The following GOLT1A variants were observed in gnomAD, a reference collection of about 807,000 sequenced individuals.
GOLT1A encodes golgi transport 1A, also known as vesicle transport protein GOT1A.
In GOLT1A, 10 loss-of-function variants were observed where a neutral mutation model predicts 16.1. The ratio of observed to expected loss-of-function variants is 0.62; its 90% CI spans 0.38 to 1.05. The LOEUF is 1.05. Ranked by LOEUF, GOLT1A falls within the 50% of genes least tolerant of loss-of-function variation. The pLI, the probability that GOLT1A is intolerant of heterozygous loss-of-function variation, is 0.01. For synonymous variants in GOLT1A, 60 were observed against 67.9 expected (o/e 0.88, Z 0.57); for missense variants, 137 against 165.7 (o/e 0.83, Z 0.95).
intron 2 of GOLT1A, among the ~76,000 whole-genome samples, chr1:204,202,165 C>T (rs571403061): frequency 5.9e-5 from 9 of 151,896 alleles, no homozygotes; most frequent in African/African-American, 1.7e-4. Flanking sequence ...AAGATTGAGG[C>T]CTAAGTAGGT....
chr1:204,211,751 G>C (rs1490362705), intron 1 of GOLT1A, among the ~76,000 whole-genome samples: 1 of 152,104 alleles, frequency 6.6e-6, no homozygotes, highest in Non-Finnish European at 1.5e-5. Flanking sequence ...GGGGAAGCGG[G>C]GTGCGGGATG....
chr1:204,203,856 TG>T (rs1320025756), intron 1 of GOLT1A, among the ~76,000 whole-genome samples: 3 of 151,706 alleles, frequency 2.0e-5, no homozygotes, highest in Non-Finnish European at 4.4e-5. Flanking sequence ...TCCCAAGGTT[TG>T]TAAGTGTCTC....
chr1:204,208,971 C>A (rs1407810208), intron 1 of GOLT1A, among the ~76,000 whole-genome samples: 3 of 152,212 alleles, frequency 2.0e-5, no homozygotes, highest in Non-Finnish European at 4.4e-5. Context: ...TCATCAGTTA[C>A]TCCAGTAGCA....
intron 1 of GOLT1A, among the ~76,000 whole-genome samples, chr1:204,213,318 A>G (rs1397810617): frequency 1.3e-5 from 2 of 152,196 alleles, no homozygotes; most frequent in Non-Finnish European, 2.9e-5. Context: ...TTCTCAGATG[A>G]AAAACCAAGG....
chr1:204,199,842 T>C (rs1196853318), intron 3 of GOLT1A, among the ~76,000 whole-genome samples: 2 of 152,100 alleles, frequency 1.3e-5, no homozygotes, highest in African/African-American at 4.8e-5. Flanking sequence ...TGCAGACACA[T>C]GCGTGACCCC....
chr1:204,208,182 A>G (rs1347609624), intron 1 of GOLT1A, among the ~76,000 whole-genome samples: 1 of 151,976 alleles, frequency 6.6e-6, no homozygotes, highest in East Asian at 1.9e-4. Flanking sequence ...AAAATAAATC[A>G]TTATACGGAA....
rs1351749457 is a variant in GOLT1A at position 204,198,170 on chromosome 1, A to T, written c.*288T>A. The T allele has an allele frequency of 2.6e-6, 1 of 390,542 alleles. No individual in the cohort carries two copies. The highest frequency in any genetic ancestry group is 4.6e-6 in the Non-Finnish European group (1 of 216,962). 24.2% of individuals were successfully genotyped at this position (390,542 alleles called of 1,614,324 possible). A position where few individuals can be genotyped will look rare whatever the true frequency, so the allele number is the denominator to read the frequency against. ...CCAACTCTGAGCCTTAGACACACGC[A>T]CAACTTGGGAATTTAATCTTCACTT... On this transcript the variant is annotated 3_prime_UTR_variant, in exon 5 of 5. Coordinates refer to ENST00000308302, the MANE Select transcript of GOLT1A (RefSeq NM_198447.2).
Position 204,209,887 on chromosome 1 carries a change from G to A in GOLT1A, c.25+3995C>T, listed in dbSNP as rs901664157. On this transcript the variant is annotated intron_variant, in intron 1 of 4. Coordinates refer to ENST00000308302, the MANE Select transcript of GOLT1A (RefSeq NM_198447.2). ...AGCCTGGCCAACATGATGAAACCCCGTCTCTACTAAAAATACAAAAAATTA... is the reference window on the plus strand; with the variant it reads ...AGCCTGGCCAACATGATGAAACCCCATCTCTACTAAAAATACAAAAAATTA... Among the ~76,000 whole-genome samples, 6 of 152,146 alleles carry A rather than the reference G, an allele frequency of 3.9e-5. No homozygotes were observed. The East Asian group carries it at 5.8e-4, about 15-fold the overall frequency.
chr1:204,208,577 T>A (rs1392043427), intron 1 of GOLT1A, among the ~76,000 whole-genome samples: 1 of 147,676 alleles, frequency 6.8e-6, no homozygotes, highest in Non-Finnish European at 1.5e-5. Context: ...GAATTGGAGA[T>A]CATTATTCTA....
Position 204,199,073 on chromosome 1 carries a change from G to A in GOLT1A, c.360+122C>T, listed in dbSNP as rs1431799501. The A allele has an allele frequency of 2.1e-5, 17 of 816,688 alleles. No homozygotes were observed. In the Admixed American group the frequency reaches 3.7e-4, roughly 18 times the overall value. The allele number at this position is 816,688 out of a possible 1,614,324, so 50.6% of individuals were successfully genotyped here. A position where few individuals can be genotyped will look rare whatever the true frequency, so the allele number is the denominator to read the frequency against. On this transcript the variant is annotated intron_variant, in intron 4 of 4. Coordinates refer to ENST00000308302, the MANE Select transcript of GOLT1A (RefSeq NM_198447.2). ...TAAAGCACCAAACCTGGGCTAGGGGGTCTGAGGGGAGACAGGGGAGAGGCC... is the reference window on the plus strand; with the variant it reads ...TAAAGCACCAAACCTGGGCTAGGGGATCTGAGGGGAGACAGGGGAGAGGCC...
rs1658895340 is a variant in GOLT1A at position 204,198,381 on chromosome 1, G to C, written c.*77C>G. On this transcript the variant is annotated 3_prime_UTR_variant, in exon 5 of 5. Transcript: ENST00000308302. ...TGTCGGGGAGTGAGTCAGTGCAGGGGACTGAGGGGGTGGTTCCCATTCTCC... is the reference window on the plus strand; with the variant it reads ...TGTCGGGGAGTGAGTCAGTGCAGGGCACTGAGGGGGTGGTTCCCATTCTCC... 1.5e-6 allele frequency: 2 copies of C among 1,332,136 alleles called. No individual in the cohort carries two copies. Among genetic ancestry groups the C allele is most frequent in the South Asian group, 1.2e-5 (1 of 85,108 alleles). 82.5% of individuals were successfully genotyped at this position (1,332,136 alleles called of 1,614,324 possible). A position where few individuals can be genotyped will look rare whatever the true frequency, so the allele number is the denominator to read the frequency against.
intron 1 of GOLT1A, among the ~76,000 whole-genome samples, chr1:204,204,753 C>T (rs1659014292): frequency 6.6e-6 from 1 of 152,154 alleles, no homozygotes; most frequent in Non-Finnish European, 1.5e-5. Flanking sequence ...TTTTGTTTTC[C>T]ATTGTGACTG....
At chr1:204,208,502 A>ATATATAT (rs1491494433) in intron 1 of GOLT1A, among the ~76,000 whole-genome samples, 9 of 62,066 alleles carry the variant, frequency 1.5e-4, no homozygotes, top group African/African-American at 2.8e-4. Context: ...ATATATATAT[A>ATATATAT]AAAAATGAAC....
intron 1 of GOLT1A, among the ~76,000 whole-genome samples, chr1:204,212,669 C>T (rs138354231): frequency 6.6e-6 from 1 of 151,576 alleles, no homozygotes; most frequent in African/African-American, 2.4e-5. Context: ...AACTGGCTTC[C>T]CTGCTGCTGC....
In GOLT1A at chr1:204,211,496, A is replaced by T. The variant is rs1257339875; in HGVS notation, c.25+2386T>A. On this transcript the variant is annotated intron_variant, in intron 1 of 4. Coordinates refer to ENST00000308302, the MANE Select transcript of GOLT1A (RefSeq NM_198447.2). ...TGTTACTTGACAATGCATCCTCATC[A>T]TTCAGGTCTCAGCTGAAATGTCAGT... is the stretch of plus-strand genomic sequence containing the variant. Among the ~76,000 whole-genome samples, 8 of 152,312 alleles carry T rather than the reference A, an allele frequency of 5.3e-5. No individual in the cohort carries two copies. The East Asian group carries it at 1.2e-3, about 22-fold the overall frequency.
At chr1:204,201,597 G>A in intron 3 of GOLT1A, 36 bp downstream of exon 3, 1 of 1,599,062 alleles carries the variant, frequency 6.3e-7, no homozygotes, top group Non-Finnish European at 8.6e-7. Context: ...AGACACTTTG[G>A]TGGGTCTGTC....
intron 1 of GOLT1A, among the ~76,000 whole-genome samples, chr1:204,209,622 T>C (rs1659107278): frequency 6.6e-6 from 1 of 152,190 alleles, no homozygotes; most frequent in African/African-American, 2.4e-5. Flanking sequence ...ACACATTTAA[T>C]TTTCATAACT....
intron 3 of GOLT1A, among the ~76,000 whole-genome samples, chr1:204,200,299 G>GTGTATATATATAGATATATATATATA: frequency 1.2e-5 from 1 of 82,684 alleles, no homozygotes; most frequent in South Asian, 3.6e-4. Flanking sequence ...ACATATATGT[G>GTGTATATATATAGATATATATATATA]TATATATATA....
intron 1 of GOLT1A, among the ~76,000 whole-genome samples, chr1:204,204,575 C>A (rs1320228102): frequency 6.6e-6 from 1 of 152,206 alleles, no homozygotes; most frequent in Admixed American, 6.5e-5. Context: ...TGGCTTCCAT[C>A]CATCTCTTAC....
Sources: allele counts gnomAD v4.1 joint callset (sites outside exome capture counted in the v4.1 genomes callset), GRCh38; gene constraint gnomAD v4.1.1; transcripts MANE v1.5; gene names NCBI Gene and HGNC (gene_info 2026-07-23, HGNC 2026-07-21).